Variants in ZNF280D observed in about 807,000 individuals in gnomAD.
ZNF280D encodes the protein zinc finger protein 280D, also known as suppressor of hairy wing homolog 4.
ZNF280D carries 39 observed loss-of-function variants against 94.7 expected under a neutral mutation model. The ratio of observed to expected loss-of-function variants is 0.41; its 90% confidence interval spans 0.32 to 0.54. The LOEUF (loss-of-function observed/expected upper bound fraction) is 0.54. Among genes scored for constraint, ZNF280D ranks in the 20% least tolerant of loss-of-function variants. The probability of loss-of-function intolerance (pLI) is 0.22; values close to 1 mark genes in which losing one functional copy is unlikely to be tolerated. For synonymous variants in ZNF280D, 398 were observed against 377.6 expected, an observed-to-expected ratio of 1.05 and a Z score of -0.63; for missense variants, 1,090 against 1,149.3, an observed-to-expected ratio of 0.95 and a Z score of 0.75.
At position 56,710,124 on chromosome 15, in the gene ZNF280D, C is replaced by T. The variant is rs563833923; in HGVS notation, c.-85-2818G>A. On this transcript the variant is annotated intron_variant, in intron 1 of 21. Transcript: ENST00000267807. Reference sequence around the variant, plus strand: ...GCTCTTTAAGACAGCCCGAAAAGGACGGGCGCGGCGGCTCACGCCTGTAAT... The same window carrying T: ...GCTCTTTAAGACAGCCCGAAAAGGATGGGCGCGGCGGCTCACGCCTGTAAT... Among the ~76,000 whole-genome samples, 20 of 152,328 alleles carry T rather than the reference C, an allele frequency of 1.3e-4. No homozygotes were observed. The South Asian group carries it at 3.7e-3, about 28-fold the overall frequency.
intron 1 of ZNF280D, chr15:56,725,010 G>A: frequency 2.9e-6 from 1 of 348,572 alleles, no homozygotes. Flanking sequence ...GAAAAGCAGA[G>A]CAAGTAAAAA....
intron 16 of ZNF280D, among the ~76,000 whole-genome samples, chr15:56,665,629 T>TA (rs1159494157): frequency 1.4e-5 from 2 of 144,078 alleles, no homozygotes; most frequent in Non-Finnish European, 3.0e-5. Context: ...CTGAAAATCT[T>TA]AAAGTCTCTC....
At chr15:56,648,679 T>G (rs2053037517) in intron 19 of ZNF280D, among the ~76,000 whole-genome samples, 1 of 152,176 alleles carries the variant, frequency 6.6e-6, no homozygotes, top group Non-Finnish European at 1.5e-5. Flanking sequence ...AGCTCATATC[T>G]CACAAATATG....
In ZNF280D at chr15:56,700,224, T is replaced by C. The variant is rs539943062; in HGVS notation, c.381+709A>G. On this transcript the variant is annotated intron_variant, in intron 6 of 21. Coordinates refer to ENST00000267807, the MANE Select transcript of ZNF280D (RefSeq NM_017661.4). ...ATGTATGTATGTGTGCATATACATA[T>C]AAACTATGGGTTAGGCTGGATTGAA... The C allele has an allele frequency of 2.6e-3, 2,439 of 947,046 alleles. 5 individuals carry two copies. Among genetic ancestry groups the C allele is most frequent in the Non-Finnish European group, 2.9e-3 (2,291 of 794,786 alleles). 58.7% of individuals were successfully genotyped at this position (947,046 alleles called of 1,614,324 possible). A position where few individuals can be genotyped will look rare whatever the true frequency, so the allele number is the denominator to read the frequency against.
chr15:56,692,335 C>A (rs907669304), intron 7 of ZNF280D, among the ~76,000 whole-genome samples: 1 of 151,680 alleles, frequency 6.6e-6, no homozygotes. Context: ...GTAAATTCTC[C>A]GCACTGATTT....
chr15:56,659,290 T>C, intron 16 of ZNF280D, among the ~76,000 whole-genome samples: 1 of 151,730 alleles, frequency 6.6e-6, no homozygotes, highest in Non-Finnish European at 1.5e-5. Flanking sequence ...CTATATACCC[T>C]TTTTAATTCC....
chr15:56,631,587 A>G lies in ZNF280D; in HGVS notation c.2851T>C (p.Ser951Pro), dbSNP rs2052076013. ...CCAGGAATGTCATCTGTTTGATCAG[A>G]CACTACTTCATCAGTCTTGGCTGAA... Reference protein sequence around the residue: ...DPSAKTDEVVSDQTDDIPGGN... With the variant: ...DPSAKTDEVVPDQTDDIPGGN... The change falls in exon 22 of 22, where the codon TCT becomes CCT. Residue 951 changes from serine (S) to proline (P), a missense_variant. By Grantham distance (74) the Ser-to-Pro change is moderately conservative (BLOSUM62 -1). Coordinates refer to ENST00000267807, the MANE Select transcript of ZNF280D (RefSeq NM_017661.4). The G allele has an allele frequency of 6.2e-7, 1 of 1,613,972 alleles. No homozygotes were observed. Among genetic ancestry groups the G allele is most frequent in the Non-Finnish European group, 8.5e-7 (1 of 1,180,004 alleles).
intron 6 of ZNF280D, chr15:56,700,513 TTTG>T (rs2056999014): frequency 2.0e-6 from 2 of 1,016,694 alleles, no homozygotes; most frequent in Non-Finnish European, 2.4e-6. Flanking sequence ...GGAAAAAATG[TTTG>T]TTTTTTTTTA....
chr15:56,718,781 T>G (rs932921773), intron 1 of ZNF280D, among the ~76,000 whole-genome samples: 25 of 152,162 alleles, frequency 1.6e-4, no homozygotes, highest in Admixed American at 6.6e-5. Context: ...CATTATCTAC[T>G]CCACAGTGCT....
intron 10 of ZNF280D, among the ~76,000 whole-genome samples, chr15:56,680,916 A>G (rs1218571963): frequency 6.6e-6 from 1 of 152,200 alleles, no homozygotes; most frequent in African/African-American, 2.4e-5. Flanking sequence ...CATATTTACT[A>G]ACATGATTTC....
chr15:56,675,046 C>T (rs2140949804), intron 13 of ZNF280D, among the ~76,000 whole-genome samples: 1 of 152,038 alleles, frequency 6.6e-6, no homozygotes, highest in African/African-American at 2.4e-5. Flanking sequence ...TCAAAGATGC[C>T]CAATGATCCT....
intron 20 of ZNF280D, among the ~76,000 whole-genome samples, chr15:56,641,430 A>G (rs139288473): frequency 6.6e-6 from 1 of 151,922 alleles, no homozygotes; most frequent in African/African-American, 2.4e-5. Context: ...ATTTGATATT[A>G]TATCTTTTAA....
chr15:56,689,565 A>G (rs1201957035), intron 7 of ZNF280D, 95 bp from the exon 8 acceptor site: 4 of 782,676 alleles, frequency 5.1e-6, no homozygotes, highest in Non-Finnish European at 3.7e-6. Context: ...TAAAGGTAAT[A>G]TAATTGAATT....
intron 13 of ZNF280D, among the ~76,000 whole-genome samples, chr15:56,670,664 G>T (rs898916104): frequency 6.6e-6 from 1 of 151,988 alleles, no homozygotes; most frequent in African/African-American, 2.4e-5. Context: ...GTGTGCATAT[G>T]TCTTAACAGA....
At chr15:56,716,717 A>C (rs577188668) in intron 1 of ZNF280D, among the ~76,000 whole-genome samples, 1 of 152,250 alleles carries the variant, frequency 6.6e-6, no homozygotes, top group South Asian at 2.1e-4. Context: ...TAAATCAGAG[A>C]GAAGACTATT....
At chr15:56,715,927 C>A (rs1466424040) in intron 1 of ZNF280D, among the ~76,000 whole-genome samples, 2 of 151,958 alleles carry the variant, frequency 1.3e-5, no homozygotes, top group Non-Finnish European at 2.9e-5. Context: ...AAAAATGCAC[C>A]TTTAAAAAAT....
At chr15:56,685,919 A>G (rs1286534418) in intron 9 of ZNF280D, among the ~76,000 whole-genome samples, 1 of 152,196 alleles carries the variant, frequency 6.6e-6, no homozygotes, top group Admixed American at 6.5e-5. Flanking sequence ...TAGGATCACA[A>G]AAGAAAAATC....
Position 56,668,895 on chromosome 15 carries a change from C to T in ZNF280D, c.1473G>A (p.Met491Ile), listed in dbSNP as rs746414908. 7 of 1,611,142 alleles carry T rather than the reference C, an allele frequency of 4.3e-6. No homozygotes were observed. In the South Asian group the frequency reaches 7.7e-5, roughly 18 times the overall value. Residue 491 changes from methionine to isoleucine, a missense_variant, in exon 14 of 22, where the codon ATG becomes ATA. Coordinates refer to ENST00000267807, the MANE Select transcript of ZNF280D (RefSeq NM_017661.4). ...TTCGATGGTGTTGAGTCTTATGATC[C>T]ATTTTCTCCTTGCATGTCAAAAACT... ...RLQFLTCKEK[M>I]DHKTQHHRTF... is the part of the protein sequence containing the mutation.
chr15:56,689,389 C>T lies in ZNF280D; in HGVS notation c.581G>A (p.Ser194Asn). Residue 194 changes from serine to asparagine, a missense_variant, in exon 8 of 22, where the codon AGC becomes AAC. Around this residue, in one of 3 missense-constraint regions of ZNF280D, gnomAD observed 386 missense variants for 372.0 expected, o/e 1.04. Transcript: ENST00000267807. ...GGAATTTGCTCCAGAAACACTTTCG[C>T]TGGGTTTAGGCTTCTTTGGATTAAC... ...NNVNPKKPKP[S>N]ESVSGANSSA... 2 of 1,610,004 alleles carry T rather than the reference C, an allele frequency of 1.2e-6. No individual in the cohort carries two copies. The highest frequency in any genetic ancestry group is 1.7e-6 in the Non-Finnish European group (2 of 1,178,028).
Sources: gnomAD v4.1 joint callset for allele counts (sites outside exome capture counted in the v4.1 genomes callset) on GRCh38, gnomAD v4.1.1 for gene constraint, gnomAD v4.1.1 regional missense constraint, MANE v1.5 for transcripts, NCBI Gene and HGNC (gene_info 2026-07-23, HGNC 2026-07-21) for gene names.